The following GALNT13 variants were observed in gnomAD, a reference collection of about 807,000 sequenced individuals.
GALNT13 encodes the protein UDP-GalNAc:polypeptide N-acetylgalactosaminyltransferase 13.
In GALNT13, 28 loss-of-function variants were observed where a neutral mutation model predicts 64.2. That is an observed-to-expected ratio of 0.44 (90% CI 0.32 to 0.60). GALNT13 has a LOEUF of 0.60. Ranked by LOEUF, GALNT13 falls within the 20% of genes least tolerant of loss-of-function variation. The probability of loss-of-function intolerance (pLI) is 0.05; values close to 1 mark genes in which losing one functional copy is unlikely to be tolerated. For synonymous variants in GALNT13, 214 were observed against 224.6 expected (o/e 0.95, Z 0.42); for missense variants, 577 against 669.8 (o/e 0.86, Z 1.53).
chr2:153,075,025 G>A, the GALNT13 span, among the ~76,000 whole-genome samples: 1 of 152,116 alleles, frequency 6.6e-6, no homozygotes, highest in African/African-American at 2.4e-5. Context: ...GAGCCACAGT[G>A]CCTGGCCTAC....
At chr2:153,376,101 A>G in the GALNT13 span, among the ~76,000 whole-genome samples, 3 of 152,188 alleles carry the variant, frequency 2.0e-5, no homozygotes, top group Admixed American at 6.5e-5. Flanking sequence ...AACACCCCCA[A>G]CTAGGTCCCA....
At chr2:153,884,891 T>C (rs986913666) in intron 1 of GALNT13, among the ~76,000 whole-genome samples, 16 of 140,354 alleles carry the variant, frequency 1.1e-4, no homozygotes, top group African/African-American at 4.2e-4. Flanking sequence ...ACACATTTTT[T>C]AGCCGAGCGT....
the GALNT13 span, among the ~76,000 whole-genome samples, chr2:153,364,403 GA>G: frequency 2.5e-3 from 370 of 147,610 alleles, 3 homozygotes; most frequent in Non-Finnish European, 4.5e-3. Context: ...TCAGGCAAGA[GA>G]AAAAAAAAAG....
At chr2:153,552,823 A>G in the GALNT13 span, among the ~76,000 whole-genome samples, 2 of 152,112 alleles carry the variant, frequency 1.3e-5, no homozygotes, top group Middle Eastern at 3.2e-3. Flanking sequence ...ATCATCAGGC[A>G]TTAGATTCTC....
intron 3 of GALNT13, among the ~76,000 whole-genome samples, chr2:153,975,146 C>T (rs1693993874): frequency 6.6e-6 from 1 of 152,054 alleles, no homozygotes; most frequent in African/African-American, 2.4e-5. Flanking sequence ...TGTATTTTGA[C>T]ATTAATGTTT....
At chr2:154,405,774 A>G (rs981079191) in intron 10 of GALNT13, among the ~76,000 whole-genome samples, 12 of 152,042 alleles carry the variant, frequency 7.9e-5, no homozygotes, top group Admixed American at 2.0e-4. Context: ...TTGCAACGAT[A>G]TTGTGAAAAG....
the GALNT13 span, among the ~76,000 whole-genome samples, chr2:153,170,036 T>TA: frequency 1.3e-5 from 2 of 152,222 alleles, no homozygotes; most frequent in Non-Finnish European, 2.9e-5. Context: ...TAAGTATGAG[T>TA]AATTACAACT....
the GALNT13 span, chr2:153,421,798 C>A: frequency 5.3e-6 from 1 of 190,156 alleles, no homozygotes; most frequent in South Asian, 1.1e-4. Context: ...CTTGCCTGCT[C>A]ACTGAAGAGG....
At chr2:153,848,844 A>G in the GALNT13 span, among the ~76,000 whole-genome samples, 3 of 151,798 alleles carry the variant, frequency 2.0e-5, no homozygotes, top group Non-Finnish European at 4.4e-5. Context: ...CAAAGAAATT[A>G]TAAATCCAGA....
chr2:154,164,626 G>GT (rs1009791132), intron 4 of GALNT13, among the ~76,000 whole-genome samples: 1 of 151,990 alleles, frequency 6.6e-6, no homozygotes, highest in Admixed American at 6.6e-5. Context: ...AAGTTAAAAG[G>GT]TTTTTTCAAT....
intron 4 of GALNT13, among the ~76,000 whole-genome samples, chr2:154,202,107 G>A (rs561730115): frequency 6.6e-5 from 10 of 152,168 alleles, no homozygotes; most frequent in African/African-American, 2.4e-4. Flanking sequence ...TGCAGGCAAG[G>A]TTGCTCTCTG....
the GALNT13 span, among the ~76,000 whole-genome samples, chr2:153,754,335 C>A: frequency 3.2e-4 from 48 of 152,204 alleles, no homozygotes; most frequent in African/African-American, 1.1e-3. Context: ...AAGTCTCTGA[C>A]CCTCAATGTA....
At chr2:153,380,852 C>T in the GALNT13 span, among the ~76,000 whole-genome samples, 24 of 151,824 alleles carry the variant, frequency 1.6e-4, no homozygotes, top group African/African-American at 5.8e-4. Context: ...AGGCTTAATC[C>T]TGAATAATGC....
At chr2:153,552,153 A>G in the GALNT13 span, among the ~76,000 whole-genome samples, 77 of 152,330 alleles carry the variant, frequency 5.1e-4, no homozygotes, top group Admixed American at 8.5e-4. Flanking sequence ...ATTTGTGGAC[A>G]CTGAAAAGAG....
At chr2:153,655,740 C>T in the GALNT13 span, among the ~76,000 whole-genome samples, 7 of 152,074 alleles carry the variant, frequency 4.6e-5, no homozygotes, top group African/African-American at 1.4e-4. Flanking sequence ...GATATACCTT[C>T]TATAGCTTAA....
At chr2:153,891,345 A>T (rs1687540198) in intron 1 of GALNT13, among the ~76,000 whole-genome samples, 1 of 151,972 alleles carries the variant, frequency 6.6e-6, no homozygotes, top group Admixed American at 6.6e-5. Flanking sequence ...TTGCTATAAG[A>T]ATGTCTTCCA....
intron 10 of GALNT13, among the ~76,000 whole-genome samples, chr2:154,404,415 G>A (rs1024139462): frequency 6.6e-6 from 1 of 152,110 alleles, no homozygotes; most frequent in African/African-American, 2.4e-5. Context: ...AAATTTAGGT[G>A]GCAAAGTGTT....
At chr2:153,719,653 T>C in the GALNT13 span, among the ~76,000 whole-genome samples, 24 of 152,134 alleles carry the variant, frequency 1.6e-4, no homozygotes, top group African/African-American at 3.9e-4. Flanking sequence ...ACCTGGGAAG[T>C]GCAAGGGGTC....
rs1276571385 is a variant in GALNT13 at position 154,212,932 on chromosome 2, T to G, written c.312-29098T>G. Among the ~76,000 whole-genome samples, 3 of 152,158 alleles carry G rather than the reference T, an allele frequency of 2.0e-5. No homozygotes were observed. In the East Asian group the frequency reaches 5.8e-4, roughly 29 times the overall value. On this transcript the variant is annotated intron_variant, in intron 4 of 12. Coordinates refer to ENST00000392825, the MANE Select transcript of GALNT13 (RefSeq NM_052917.4). ...GAATAGGATCGATCTCAAAGTGTTATCTGGCCTTAAAATATACAGAAAATG... is the reference window on the plus strand; with the variant it reads ...GAATAGGATCGATCTCAAAGTGTTAGCTGGCCTTAAAATATACAGAAAATG...
Sources: gnomAD v4.1 joint callset for allele counts (sites outside exome capture counted in the v4.1 genomes callset) on GRCh38, gnomAD v4.1.1 for gene constraint, MANE v1.5 for transcripts, NCBI Gene and HGNC (gene_info 2026-07-23, HGNC 2026-07-21) for gene names.